Variants in PDE4D observed in about 807,000 individuals in gnomAD.
The protein encoded by PDE4D is phosphodiesterase 4D.
Under a neutral mutation model 87.4 loss-of-function variants are expected in PDE4D, and 24 were observed. The observed-to-expected ratio is 0.27, with a 90% confidence interval of 0.20 to 0.39. The LOEUF is 0.39. PDE4D is among the 10% of genes least tolerant of loss of function. PDE4D has a pLI of 1.00. For missense variants in PDE4D, 714 were observed against 1,041.0 expected (o/e 0.69, Z 4.32); for synonymous variants, 384 against 383.2 (o/e 1.00, Z -0.02).
chr5:59,083,582 A>T (rs1250543764), intron 5 of PDE4D, among the ~76,000 whole-genome samples: 1 of 139,624 alleles, frequency 7.2e-6, no homozygotes, highest in Non-Finnish European at 1.6e-5. Context: ...TCCAATCTTT[A>T]TATATACATA....
chr5:59,878,887 G>GTT (rs70975345), intron 1 of PDE4D, among the ~76,000 whole-genome samples: 1,169 of 71,696 alleles, frequency 0.016, 221 homozygotes, highest in African/African-American at 0.054. Context: ...ACCGAAGTAA[G>GTT]TTTTTTTTTT....
chr5:60,446,463 T>C (rs1430089403), intron 1 of PDE4D, among the ~76,000 whole-genome samples: 1 of 152,130 alleles, frequency 6.6e-6, no homozygotes, highest in Admixed American at 6.5e-5. Context: ...CACTAGTTCG[T>C]TAAATGGGGG....
intron 2 of PDE4D, among the ~76,000 whole-genome samples, chr5:60,075,125 C>T (rs10472117): frequency 0.16 from 23,790 of 152,038 alleles, 2,458 homozygotes; most frequent in Middle Eastern, 0.28. Flanking sequence ...TATAGAGACA[C>T]TGTGTATTTG....
intron 1 of PDE4D, among the ~76,000 whole-genome samples, chr5:59,556,499 TA>T (rs1286697357): frequency 6.6e-6 from 1 of 152,134 alleles, no homozygotes; most frequent in Non-Finnish European, 1.5e-5. Context: ...AAGCAGTGGG[TA>T]AAGACATTGA....
chr5:60,431,865 G>A, intron 1 of PDE4D, among the ~76,000 whole-genome samples: 1 of 152,230 alleles, frequency 6.6e-6, no homozygotes, highest in East Asian at 1.9e-4. Context: ...GCGGTTAGGA[G>A]CTGGAGACCA....
intron 1 of PDE4D, among the ~76,000 whole-genome samples, chr5:59,267,267 T>C (rs993965317): frequency 2.0e-5 from 3 of 152,098 alleles, no homozygotes; most frequent in Non-Finnish European, 4.4e-5. Context: ...GTATCAGTCA[T>C]ATAAATTCCT....
At chr5:59,589,782 A>G (rs1825667269) in intron 1 of PDE4D, among the ~76,000 whole-genome samples, 1 of 152,198 alleles carries the variant, frequency 6.6e-6, no homozygotes, top group Non-Finnish European at 1.5e-5. Flanking sequence ...AGCACTTTAT[A>G]AATAAAATAC....
rs185616405 is a variant in PDE4D at position 59,693,342 on chromosome 5, A to C, written c.455+199826T>G. Among the ~76,000 whole-genome samples the C allele has an allele frequency of 7.3e-3, 1,105 of 152,232 alleles. 5 individuals carry two copies. The highest frequency in any genetic ancestry group is 0.011 in the Non-Finnish European group (776 of 67,992). On this transcript the variant is annotated intron_variant, in intron 1 of 14. Transcript: ENST00000340635. The stretch of plus-strand genomic sequence containing the variant: ...TTTACCAAAAATAGTCAACATGAAA[A>C]GTCTTTATACCTGCAATGTTTTCCA...
At chr5:59,698,638 G>C (rs756162353) in intron 1 of PDE4D, among the ~76,000 whole-genome samples, 11 of 152,122 alleles carry the variant, frequency 7.2e-5, no homozygotes, top group Non-Finnish European at 1.5e-4. Context: ...ATTTGAGGTT[G>C]AAAGATAGCA....
chr5:59,706,560 G>A (rs965205298), intron 1 of PDE4D, among the ~76,000 whole-genome samples: 1 of 152,050 alleles, frequency 6.6e-6, no homozygotes, highest in African/African-American at 2.4e-5. Context: ...TCTCTTCTAG[G>A]CAAGAATGAG....
intron 1 of PDE4D, among the ~76,000 whole-genome samples, chr5:59,469,278 A>C (rs1305152142): frequency 2.0e-5 from 3 of 152,126 alleles, no homozygotes; most frequent in East Asian, 3.9e-4. Flanking sequence ...CAGTGAGCTG[A>C]GATCACGCCA....
chr5:59,269,120 C>T (rs1282692073), intron 1 of PDE4D, among the ~76,000 whole-genome samples: 4 of 151,922 alleles, frequency 2.6e-5, no homozygotes, highest in African/African-American at 9.7e-5. Context: ...AAAAGAGTTG[C>T]AGTCAGGACT....
intron 12 of PDE4D, among the ~76,000 whole-genome samples, 197 bp downstream of exon 12, chr5:58,976,994 T>C (rs1461942542): frequency 6.6e-6 from 1 of 152,192 alleles, no homozygotes; most frequent in Admixed American, 6.5e-5. Flanking sequence ...GACATTATTC[T>C]CAAGTCCAAA....
intron 1 of PDE4D, among the ~76,000 whole-genome samples, chr5:59,831,335 A>AAAC (rs1338572888): frequency 4.6e-5 from 7 of 151,500 alleles, no homozygotes; most frequent in Non-Finnish European, 7.4e-5. Flanking sequence ...TCAAAAAAAA[A>AAAC]AAAAAAAAAA....
In PDE4D at chr5:60,294,840, T is replaced by A. The variant is rs77299372; in HGVS notation, c.-89-109153A>T. Among the ~76,000 whole-genome samples, 1,835 of 152,192 alleles carry A rather than the reference T, an allele frequency of 0.012. 63 individuals carry two copies. The East Asian group carries it at 0.13, about 11-fold the overall frequency. ...TTTTTCAAGATTATTCTGACTATTC[T>A]ACCTTCTTTACTCTCCCATATAAAT... On this transcript the variant is annotated intron_variant, in intron 1 of 16. Coordinates refer to the PDE4D transcript ENST00000502484.
chr5:59,866,133 T>C (rs188246185), intron 1 of PDE4D, among the ~76,000 whole-genome samples: 1 of 152,356 alleles, frequency 6.6e-6, no homozygotes, highest in Non-Finnish European at 1.5e-5. Context: ...TGTCTTGTTT[T>C]TTATAGAAGT....
chr5:59,576,424 A>T (rs950475746), intron 1 of PDE4D, among the ~76,000 whole-genome samples: 11 of 152,042 alleles, frequency 7.2e-5, no homozygotes, highest in African/African-American at 2.7e-4. Flanking sequence ...ACCCTACCTT[A>T]TCTCAAAACA....
intron 1 of PDE4D, among the ~76,000 whole-genome samples, chr5:59,514,736 C>A (rs927174672): frequency 6.6e-6 from 1 of 152,152 alleles, no homozygotes; most frequent in Non-Finnish European, 1.5e-5. Context: ...AGTTATTTAA[C>A]CTCCATGTAC....
At chr5:59,906,011 T>C (rs1281094707) in intron 3 of PDE4D, among the ~76,000 whole-genome samples, 1 of 152,172 alleles carries the variant, frequency 6.6e-6, no homozygotes, top group Non-Finnish European at 1.5e-5. Flanking sequence ...TTCCTGGCAA[T>C]GGAGAAGGGA....
Sources: allele counts gnomAD v4.1 joint callset (sites outside exome capture counted in the v4.1 genomes callset), GRCh38; gene constraint gnomAD v4.1.1; transcripts MANE v1.5; gene names NCBI Gene and HGNC (gene_info 2026-07-23, HGNC 2026-07-21).